Variants in DHX30 observed in about 807,000 individuals in gnomAD.
DHX30 encodes the protein DExH-box helicase 30.
In DHX30, 4 loss-of-function variants were observed where a neutral mutation model predicts 116.9. The ratio of observed to expected loss-of-function variants is 0.03; its 90% CI spans 0.02 to 0.08. The LOEUF (loss-of-function observed/expected upper bound fraction) is 0.08, where lower values mean the gene tolerates loss of function less well. Among genes scored for constraint, DHX30 ranks in the 10% least tolerant of loss-of-function variants. DHX30 has a pLI of 1.00. For synonymous variants in DHX30, 697 were observed against 651.7 expected, an observed-to-expected ratio of 1.07 and a Z score of -1.06; for missense variants, 871 against 1,595.1, an observed-to-expected ratio of 0.55 and a Z score of 7.73.
chr3:47,821,003 G>A (rs113499591), intron 4 of DHX30, among the ~76,000 whole-genome samples: 2,659 of 151,634 alleles, frequency 0.018, 88 homozygotes, highest in African/African-American at 0.061. Flanking sequence ...ACCCAGGCTG[G>A]AATGTGGTGG....
intron 3 of DHX30, among the ~76,000 whole-genome samples, chr3:47,814,867 GAAATA>G (rs1255259475): frequency 6.7e-6 from 1 of 149,362 alleles, no homozygotes; most frequent in African/African-American, 2.5e-5. Flanking sequence ...ATTTTTTTAA[GAAATA>G]AAATAATTAA....
At chr3:47,819,219 C>A (rs771990821) in intron 4 of DHX30, 2 of 1,367,618 alleles carry the variant, frequency 1.5e-6, no homozygotes, top group South Asian at 2.3e-5. Flanking sequence ...TCTTAAAATG[C>A]CCTGTAACTC....
At chr3:47,836,768 C>T (rs916792429) in intron 6 of DHX30, among the ~76,000 whole-genome samples, 2 of 152,198 alleles carry the variant, frequency 1.3e-5, no homozygotes, top group African/African-American at 4.8e-5. Flanking sequence ...CTGCCTGCCT[C>T]CCAAAGTGCT....
intron 4 of DHX30, chr3:47,819,410 G>C: frequency 1.4e-6 from 1 of 735,192 alleles, no homozygotes; most frequent in Non-Finnish European, 2.2e-6. Flanking sequence ...GCTGCCTCTG[G>C]GGCAGCCCCA....
intron 3 of DHX30, among the ~76,000 whole-genome samples, chr3:47,813,115 G>C (rs966545130): frequency 6.6e-6 from 1 of 151,870 alleles, no homozygotes; most frequent in African/African-American, 2.4e-5. Flanking sequence ...GAGGCAGGCG[G>C]ATCACGAGGT....
chr3:47,815,886 C>T (rs1041758742), intron 3 of DHX30: 1 of 975,924 alleles, frequency 1.0e-6, no homozygotes, highest in African/African-American at 1.8e-5. Flanking sequence ...CAACTCTCTC[C>T]CAATTGCTGA....
At chr3:47,828,576 C>G (rs2036656131) in intron 5 of DHX30, among the ~76,000 whole-genome samples, 1 of 151,854 alleles carries the variant, frequency 6.6e-6, no homozygotes, top group Admixed American at 6.6e-5. Flanking sequence ...TCGAGACCAT[C>G]CTGGCTAACA....
At chr3:47,841,548 A>G (rs2037374708) in intron 7 of DHX30, 69 bp from the exon 8 acceptor site, 9 of 1,607,366 alleles carry the variant, frequency 5.6e-6, no homozygotes, top group South Asian at 1.1e-5. Context: ...TCACCCCTAC[A>G]TCGCAGAGCC....
At chr3:47,843,310 C>T in intron 9 of DHX30, 55 bp downstream of exon 9, 1 of 1,599,810 alleles carries the variant, frequency 6.3e-7, no homozygotes, top group East Asian at 2.2e-5. Flanking sequence ...AAGCTCCCCT[C>T]TGCCAGTGGC....
rs983554181 is a variant in DHX30 at position 47,821,559 on chromosome 3, G to A, written c.124+3442G>A. On this transcript the variant is annotated intron_variant, in intron 4 of 21. Coordinates refer to ENST00000445061, the MANE Select transcript of DHX30 (RefSeq NM_138615.3). The stretch of plus-strand genomic sequence containing the variant: ...GTTGGGATTACAGGCATGAGCCACC[G>A]TGCCCAGCCCTTTTTTCTAACTTTC... Among the ~76,000 whole-genome samples, 6 of 151,974 alleles carry A rather than the reference G, an allele frequency of 3.9e-5. No individual in the cohort carries two copies. In the East Asian group the frequency reaches 5.8e-4, roughly 15 times the overall value.
intron 6 of DHX30, among the ~76,000 whole-genome samples, chr3:47,837,389 T>G (rs2037171042): frequency 6.6e-6 from 1 of 152,212 alleles, no homozygotes; most frequent in African/African-American, 2.4e-5. Context: ...GGAAAATCAC[T>G]GACAGCAGTA....
intron 1 of DHX30, 107 bp downstream of exon 1, chr3:47,803,319 G>C: frequency 2.6e-6 from 1 of 385,060 alleles, no homozygotes. Flanking sequence ...CAGCCTGGCG[G>C]AGAGTGGGGC....
intron 6 of DHX30, among the ~76,000 whole-genome samples, chr3:47,829,993 G>A (rs1285274605): frequency 2.0e-5 from 3 of 151,026 alleles, no homozygotes; most frequent in Non-Finnish European, 4.4e-5. Flanking sequence ...CACCATGCCC[G>A]ACTAATTTTT....
intron 6 of DHX30, among the ~76,000 whole-genome samples, chr3:47,835,236 C>T (rs571772343): frequency 6.7e-6 from 1 of 149,416 alleles, no homozygotes; most frequent in South Asian, 2.1e-4. Context: ...TGCAGTGGCG[C>T]AATCTCAACT....
chr3:47,811,617 G>T (rs775383854), intron 3 of DHX30, among the ~76,000 whole-genome samples: 2 of 152,160 alleles, frequency 1.3e-5, no homozygotes, highest in Non-Finnish European at 2.9e-5. Flanking sequence ...CATTTCTGCA[G>T]GGTGTATAGG....
chr3:47,811,546 A>G (rs897284898), intron 3 of DHX30, among the ~76,000 whole-genome samples: 1 of 152,144 alleles, frequency 6.6e-6, no homozygotes, highest in Non-Finnish European at 1.5e-5. Flanking sequence ...CTGTTCTTGC[A>G]TTGGTATAAA....
chr3:47,816,356 CTTTTTTTTTTT>C (rs200180200), intron 3 of DHX30: 2 of 924,628 alleles, frequency 2.2e-6, no homozygotes, highest in South Asian at 5.0e-5. Context: ...GAGCCGTCTT[CTTTTTTTTTTT>C]TTTTTTTTTA....
intron 1 of DHX30, among the ~76,000 whole-genome samples, chr3:47,804,375 C>G (rs1295527255): frequency 6.6e-6 from 1 of 152,102 alleles, no homozygotes; most frequent in Non-Finnish European, 1.5e-5. Flanking sequence ...GCCAACATGG[C>G]TAGACCTCGT....
intron 1 of DHX30, among the ~76,000 whole-genome samples, chr3:47,804,731 G>T (rs1441253710): frequency 6.6e-6 from 1 of 152,170 alleles, no homozygotes; most frequent in African/African-American, 2.4e-5. Context: ...AGCATGGAGG[G>T]TTTTGGAGTC....
Sources: gnomAD v4.1 joint callset for allele counts (sites outside exome capture counted in the v4.1 genomes callset) on GRCh38, gnomAD v4.1.1 for gene constraint, MANE v1.5 for transcripts, NCBI Gene and HGNC (gene_info 2026-07-23, HGNC 2026-07-21) for gene names.